FRS2: variants seen among roughly 807,000 people sequenced by gnomAD.
FRS2 encodes FGFR signalling adaptor.
FRS2 carries 8 observed loss-of-function variants against 43.9 expected under a neutral mutation model. The observed-to-expected ratio is 0.18, with a 90% CI of 0.11 to 0.33. FRS2 has a LOEUF of 0.33. Ranked by LOEUF, FRS2 falls within the 10% of genes least tolerant of loss-of-function variation. FRS2 has a pLI of 1.00. For synonymous variants in FRS2, 219 were observed against 220.3 expected (o/e 0.99, Z 0.05); for missense variants, 534 against 627.6 (o/e 0.85, Z 1.59).
intron 1 of FRS2, among the ~76,000 whole-genome samples, chr12:69,523,507 T>C (rs911087504): frequency 6.6e-6 from 1 of 152,148 alleles, no homozygotes; most frequent in Non-Finnish European, 1.5e-5. Flanking sequence ...CAGTATACCA[T>C]TGGGTCTTGC....
chr12:69,529,630 TA>T (rs1383174433), intron 1 of FRS2, among the ~76,000 whole-genome samples: 1 of 150,786 alleles, frequency 6.6e-6, no homozygotes, highest in Non-Finnish European at 1.5e-5. Context: ...CAAAAATAAA[TA>T]AATAAATAAA....
At chr12:69,471,550 T>C (rs1329696532) in intron 1 of FRS2, among the ~76,000 whole-genome samples, 3 of 152,262 alleles carry the variant, frequency 2.0e-5, no homozygotes, top group Non-Finnish European at 2.9e-5. Flanking sequence ...TTTAAACTTA[T>C]TCCATGAAGT....
chr12:69,541,485 A>C (rs1395539480), intron 3 of FRS2, among the ~76,000 whole-genome samples: 1 of 152,106 alleles, frequency 6.6e-6, no homozygotes, highest in Non-Finnish European at 1.5e-5. Flanking sequence ...ATATAGCATT[A>C]ATATTATTAG....
Position 69,576,176 on chromosome 12 carries a change from T to C in FRS2, c.*1221T>C, listed in dbSNP as rs888593673. 2.0e-5 allele frequency: 3 copies of C among 152,424 alleles called. No individual in the cohort carries two copies. The highest frequency in any genetic ancestry group is 2.9e-5 in the Non-Finnish European group (2 of 68,026). The allele number at this position is 152,424 out of a possible 1,614,324, so 9.4% of individuals were successfully genotyped here. On this transcript the variant is annotated 3_prime_UTR_variant, in exon 9 of 9. Coordinates refer to ENST00000549921, the MANE Select transcript of FRS2 (RefSeq NM_001278356.2). The stretch of plus-strand genomic sequence containing the variant: ...CTGTGGGCACTCTTCCCCAGCACTT[T>C]AGCAGTAATTCCCCCAGCTACACGC...
At position 69,540,728 on chromosome 12, in the gene FRS2, A is replaced by C. The variant is rs376406052; in HGVS notation, c.-122+8672A>C. ...GTACAGTACTTCCAAGAAGTGCAGAAGAGTTCGGGGAGAAGTAACTTCACA... is the reference window on the plus strand; with the variant it reads ...GTACAGTACTTCCAAGAAGTGCAGACGAGTTCGGGGAGAAGTAACTTCACA... On this transcript the variant is annotated intron_variant, in intron 3 of 8. Coordinates refer to ENST00000549921, the MANE Select transcript of FRS2 (RefSeq NM_001278356.2). Among the ~76,000 whole-genome samples, 5 of 152,304 alleles carry C rather than the reference A, an allele frequency of 3.3e-5. No homozygotes were observed. In the East Asian group the frequency reaches 5.8e-4, roughly 18 times the overall value.
chr12:69,538,074 G>A lies in FRS2; in HGVS notation c.-122+6018G>A, dbSNP rs150912205. On this transcript the variant is annotated intron_variant, in intron 3 of 8. Coordinates refer to ENST00000549921, the MANE Select transcript of FRS2 (RefSeq NM_001278356.2). ...TCTTGATCTATATAGTCTGTCTCCC[G>A]CAGTCTGCAGTTTTCTAAGCAGCAT... 385 of 152,206 alleles carry A rather than the reference G, an allele frequency of 2.5e-3. 3 individuals carry two copies. Among genetic ancestry groups the A allele is most frequent in the East Asian group, 0.02 (101 of 5,164 alleles). The allele number at this position is 152,206 out of a possible 1,614,324, so 9.4% of individuals were successfully genotyped here.
At chr12:69,474,029 G>A (rs1378062631) in intron 1 of FRS2, among the ~76,000 whole-genome samples, 1 of 152,116 alleles carries the variant, frequency 6.6e-6, no homozygotes, top group Admixed American at 6.5e-5. Context: ...TTTTAGTAGA[G>A]ACGGGGTTTC....
At position 69,521,215 on chromosome 12, in the gene FRS2, G is replaced by C. The variant is rs148476570; in HGVS notation, c.-260-9650G>C. 3.3e-3 allele frequency among the ~76,000 whole-genome samples: 502 copies of C among 152,158 alleles called. 2 individuals carry two copies. The highest frequency in any genetic ancestry group is 0.019 in the South Asian group (92 of 4,822). ...TTTGGCTCTTAGCATGGCTGTTGTT[G>C]GTGTATAGGAATGCTAGTGATTTTA... On this transcript the variant is annotated intron_variant, in intron 1 of 8. Coordinates refer to ENST00000549921, the MANE Select transcript of FRS2 (RefSeq NM_001278356.2).
intron 1 of FRS2, among the ~76,000 whole-genome samples, chr12:69,502,651 G>T (rs997167266): frequency 1.3e-5 from 2 of 152,110 alleles, no homozygotes; most frequent in African/African-American, 4.8e-5. Flanking sequence ...ATCTCTGTAC[G>T]GATGGAGCTT....
In FRS2 at chr12:69,579,739, A is replaced by C. The variant is rs1240230838; in HGVS notation, c.*4784A>C. On this transcript the variant is annotated 3_prime_UTR_variant, in exon 9 of 9. Transcript: ENST00000549921. ...CATGCTCACTTTCCCCTTATTGCTG[A>C]AAGTAGATTGCAATAAAACCCCAAT... 2 of 152,238 alleles carry C rather than the reference A, an allele frequency of 1.3e-5. No individual in the cohort carries two copies. The highest frequency in any genetic ancestry group is 1.3e-4 in the Admixed American group (2 of 15,288). The allele number at this position is 152,238 out of a possible 1,614,324, so 9.4% of individuals were successfully genotyped here.
chr12:69,556,741 T>A (rs1288936046), intron 3 of FRS2, among the ~76,000 whole-genome samples: 7 of 152,244 alleles, frequency 4.6e-5, no homozygotes, highest in Non-Finnish European at 8.8e-5. Context: ...TTTATTGATG[T>A]TTATGGTTTG....
intron 6 of FRS2, 82 bp downstream of exon 6, chr12:69,570,599 T>C (rs1050282920): frequency 9.7e-6 from 8 of 822,934 alleles, no homozygotes; most frequent in Non-Finnish European, 1.5e-5. Flanking sequence ...TAAATTAATA[T>C]TTTTCTTCTG....
Position 69,572,098 on chromosome 12 carries a change from A to G in FRS2, c.413-20A>G. On this transcript the variant is annotated intron_variant, in intron 7 of 8. Transcript: ENST00000549921. The stretch of plus-strand genomic sequence containing the variant: ...TCTGCCCCGCCCCCCTTTTCCTTAA[A>G]CCAATAAACAAAAACTCAGCTCCAG... 6.2e-7 allele frequency: 1 copy of G among 1,608,140 alleles called. No individual in the cohort carries two copies.
At chr12:69,502,838 C>A (rs916078320) in intron 1 of FRS2, among the ~76,000 whole-genome samples, 1 of 152,142 alleles carries the variant, frequency 6.6e-6, no homozygotes, top group African/African-American at 2.4e-5. Flanking sequence ...GGAAGTGTTG[C>A]TGAAGCTAGA....
At chr12:69,557,620 GCGCGCGCGCGCGCGCGCA>G (rs1221116294) in intron 3 of FRS2, among the ~76,000 whole-genome samples, 30 of 57,098 alleles carry the variant, frequency 5.3e-4, no homozygotes, top group African/African-American at 2.8e-3. Context: ...GTGTGTGTGT[GCGCGCGCGCGCGCGCGCA>G]GGTGCATGCA....
intron 1 of FRS2, among the ~76,000 whole-genome samples, chr12:69,489,124 C>T (rs1872221152): frequency 1.3e-5 from 2 of 152,188 alleles, no homozygotes; most frequent in Admixed American, 6.5e-5. Flanking sequence ...ATAGTGGAGC[C>T]CCAGGATTTT....
intron 4 of FRS2, 150 bp from the exon 5 acceptor site, chr12:69,568,855 G>A: frequency 2.3e-6 from 1 of 425,910 alleles, no homozygotes; most frequent in Non-Finnish European, 4.1e-6. Context: ...CTAGCTAGTT[G>A]TATAAAATCT....
Position 69,578,113 on chromosome 12 carries a change from G to A in FRS2, c.*3158G>A, listed in dbSNP as rs535716840. On this transcript the variant is annotated 3_prime_UTR_variant, in exon 9 of 9. Coordinates refer to ENST00000549921, the MANE Select transcript of FRS2 (RefSeq NM_001278356.2). Reference sequence around the variant, plus strand: ...TGTGCCGCCATATTTTTGCCTCAAGGTAAAGGTTTTAACAGATGAAAAAGT... The same window carrying A: ...TGTGCCGCCATATTTTTGCCTCAAGATAAAGGTTTTAACAGATGAAAAAGT... 4 of 152,644 alleles carry A rather than the reference G, an allele frequency of 2.6e-5. No individual in the cohort carries two copies. Among genetic ancestry groups the A allele is most frequent in the Admixed American group, 6.5e-5 (1 of 15,296 alleles). The allele number at this position is 152,644 out of a possible 1,614,324, so 9.5% of individuals were successfully genotyped here.
intron 1 of FRS2, among the ~76,000 whole-genome samples, chr12:69,498,669 C>T (rs1192230049): frequency 1.3e-5 from 2 of 151,932 alleles, no homozygotes; most frequent in Non-Finnish European, 2.9e-5. Flanking sequence ...TTGGACACCC[C>T]TGGAAAGAAT....
Sources: gnomAD v4.1 joint callset for allele counts (sites outside exome capture counted in the v4.1 genomes callset) on GRCh38, gnomAD v4.1.1 for gene constraint, MANE v1.5 for transcripts, NCBI Gene and HGNC (gene_info 2026-07-23, HGNC 2026-07-21) for gene names.